Variants in IGF2R observed in about 807,000 individuals in gnomAD.
IGF2R encodes the protein insulin like growth factor 2 receptor.
In IGF2R, 91 loss-of-function variants were observed where a neutral mutation model predicts 270.6. The observed-to-expected ratio is 0.34, with a 90% confidence interval of 0.28 to 0.40. The LOEUF (loss-of-function observed/expected upper bound fraction) is 0.40, where lower values mean the gene tolerates loss of function less well. Ranked by LOEUF, IGF2R falls within the 10% of genes least tolerant of loss-of-function variation. IGF2R has a pLI of 1.00. For synonymous variants in IGF2R, 1,316 were observed against 1,258.9 expected (o/e 1.05, Z -0.96); for missense variants, 2,805 against 3,188.3 (o/e 0.88, Z 2.90).
At chr6:160,073,058 C>T (rs573096016) in intron 33 of IGF2R, among the ~76,000 whole-genome samples, 155 bp from the exon 34 acceptor site, 12 of 152,366 alleles carry the variant, frequency 7.9e-5, no homozygotes, top group South Asian at 4.1e-4. Flanking sequence ...ATGGAATGAA[C>T]ATTCAATGTA....
rs781421375 is a variant in IGF2R at position 160,073,960 on chromosome 6, T to A, written c.5151T>A (p.Ile1717=). The A allele has an allele frequency of 1.9e-6, 3 of 1,612,244 alleles. No homozygotes were observed. Among genetic ancestry groups the A allele is most frequent in the South Asian group, 2.2e-5 (2 of 90,738 alleles). Residue 1717 remains isoleucine, a synonymous_variant, in exon 35 of 48, where the codon ATT becomes ATA. Coordinates refer to ENST00000356956, the MANE Select transcript of IGF2R (RefSeq NM_000876.4). ...PAGAAVCKVP[I]DGPPIDIGRV... ...GAGCCGCTGTGTGCAAAGTTCCTATTGATGGTCCCCCCATAGTAAGTATGA... is the reference window on the plus strand; with the variant it reads ...GAGCCGCTGTGTGCAAAGTTCCTATAGATGGTCCCCCCATAGTAAGTATGA...
At chr6:160,020,080 C>G (rs2115217861) in intron 4 of IGF2R, among the ~76,000 whole-genome samples, 1 of 152,220 alleles carries the variant, frequency 6.6e-6, no homozygotes, top group East Asian at 1.9e-4. Flanking sequence ...CCAAAAGTCT[C>G]TTAGATTTGA....
At chr6:160,009,653 T>C (rs1333318826) in intron 3 of IGF2R, among the ~76,000 whole-genome samples, 1 of 152,246 alleles carries the variant, frequency 6.6e-6, no homozygotes, top group Admixed American at 6.5e-5. Flanking sequence ...ATTGTTCTTA[T>C]TATGGGCATA....
intron 35 of IGF2R, 98 bp downstream of exon 35, chr6:160,074,073 A>T (rs1287021319): frequency 1.2e-6 from 1 of 816,706 alleles, no homozygotes; most frequent in Non-Finnish European, 2.0e-6. Flanking sequence ...TTGCTCAAGC[A>T]TAAAAAAAAT....
chr6:160,027,157 C>G (rs1777578781), intron 5 of IGF2R, 28 bp from the exon 6 acceptor site: 4 of 1,613,736 alleles, frequency 2.5e-6, no homozygotes, highest in Non-Finnish European at 3.4e-6. Context: ...AACACCTAAT[C>G]TGATTTAATG....
rs1162497382 is a variant in IGF2R at position 160,048,490 on chromosome 6, C to T, written c.2461C>T (p.Pro821Ser). 7 of 1,614,080 alleles carry T rather than the reference C, an allele frequency of 4.3e-6. No individual in the cohort carries two copies. In the East Asian group the frequency reaches 1.6e-4, roughly 36 times the overall value. The change falls in exon 18 of 48, where the codon CCG (proline) becomes TCG (serine). Residue 821 changes from proline to serine, a missense_variant. Around this residue, in one of 2 missense-constraint regions of IGF2R, gnomAD observed 1,851 missense variants for 2,207.2 expected, o/e 0.84. Transcript: ENST00000356956. ...CGTGTGTCGGCCTCTGAATCCAGTG[C>T]CGGGCTGCAACCGATATGCATCGGC... ...INVCRPLNPVPGCNRYASACQ... is the reference protein window; with the variant it reads ...INVCRPLNPVSGCNRYASACQ...
intron 37 of IGF2R, among the ~76,000 whole-genome samples, chr6:160,079,250 C>T (rs1778922032): frequency 6.6e-6 from 1 of 152,210 alleles, no homozygotes; most frequent in African/African-American, 2.4e-5. Flanking sequence ...TCTTATTACA[C>T]AGGTGAGGGA....
rs747949813 is a variant in IGF2R at position 160,061,490 on chromosome 6, T to G, written c.3263-13T>G. 19 of 1,612,788 alleles carry G rather than the reference T, an allele frequency of 1.2e-5. 1 individual carries two copies. The highest frequency in any genetic ancestry group is 1.4e-5 in the Non-Finnish European group (16 of 1,179,462). On this transcript the variant is annotated splice_polypyrimidine_tract_variant and intron_variant, in intron 23 of 47. Coordinates refer to ENST00000356956, the MANE Select transcript of IGF2R (RefSeq NM_000876.4). ...GGCAGAGTTCTCCAGCGTGGTTTTT[T>G]GTTGTGTTTCAGACCTGGCTGGAAA...
rs1366793871 is a variant in IGF2R at position 160,043,195 on chromosome 6, GAGA to G, written c.1534_1536del (p.Lys512del). The G allele has an allele frequency of 6.8e-6, 11 of 1,614,066 alleles. No homozygotes were observed. The highest frequency in any genetic ancestry group is 1.3e-5 in the African/African-American group (1 of 74,932). On this transcript the variant is annotated inframe_deletion, in exon 12 of 48. Transcript: ENST00000356956. Reference sequence around the variant, plus strand: ...TGTGGATGGCAGTCAGACGGAAACAGAGAAGAAGCATTTTTTCATTAATATTTG... The same window carrying G: ...TGTGGATGGCAGTCAGACGGAAACAGAGAAGCATTTTTTCATTAATATTTG...
chr6:159,985,927 G>A (rs1783875145), intron 1 of IGF2R, among the ~76,000 whole-genome samples: 1 of 152,202 alleles, frequency 6.6e-6, no homozygotes, highest in Non-Finnish European at 1.5e-5. Flanking sequence ...TGGTTTTGAA[G>A]AACCAGCGTT....
chr6:160,008,709 C>T (rs887918011), intron 2 of IGF2R, among the ~76,000 whole-genome samples: 2 of 152,058 alleles, frequency 1.3e-5, no homozygotes, highest in Admixed American at 6.6e-5. Flanking sequence ...GTGGCCATTG[C>T]TGGAGCGCAG....
At position 160,084,620 on chromosome 6, in the gene IGF2R, A is replaced by G. The variant is rs1779058665; in HGVS notation, c.6069-375A>G. Among the ~76,000 whole-genome samples the G allele has an allele frequency of 6.6e-6, 1 of 152,096 alleles. No individual in the cohort carries two copies. The highest frequency in any genetic ancestry group is 2.1e-4 in the South Asian group (1 of 4,828). On this transcript the variant is annotated intron_variant, in intron 40 of 47. Coordinates refer to ENST00000356956, the MANE Select transcript of IGF2R (RefSeq NM_000876.4). The surrounding 1 kb of genome is among the most constrained non-coding windows in gnomAD (Gnocchi z 4.6). ...TGGCCAGGTGCTCCTGCAAGACATC[A>G]CCGAGGAGCAGGGGCATGGACTCAC...
chr6:160,012,331 C>T (rs1426466214), intron 4 of IGF2R, among the ~76,000 whole-genome samples: 2 of 152,012 alleles, frequency 1.3e-5, no homozygotes, highest in Admixed American at 1.3e-4. Flanking sequence ...TGTTCATTCT[C>T]GCAGTGCTAT....
At chr6:160,029,316 C>T (rs1056245549) in intron 6 of IGF2R, among the ~76,000 whole-genome samples, 1 of 151,990 alleles carries the variant, frequency 6.6e-6, no homozygotes, top group Non-Finnish European at 1.5e-5. Context: ...GTGCTGGTCA[C>T]TTTAGATATT....
chr6:159,993,030 T>C (rs990542462), intron 2 of IGF2R, among the ~76,000 whole-genome samples: 4 of 152,252 alleles, frequency 2.6e-5, no homozygotes, highest in Non-Finnish European at 5.9e-5. Flanking sequence ...TTTTTACATA[T>C]GCTTGTTGGC....
chr6:160,078,121 C>A (rs2115280155), intron 36 of IGF2R, 80 bp from the exon 37 acceptor site: 2 of 1,426,340 alleles, frequency 1.4e-6, no homozygotes, highest in East Asian at 2.3e-5. Context: ...TATGCACAGC[C>A]CCTGTAGGGA....
intron 1 of IGF2R, among the ~76,000 whole-genome samples, chr6:159,990,705 C>T (rs1265921576): frequency 6.6e-6 from 1 of 152,174 alleles, no homozygotes; most frequent in Admixed American, 6.5e-5. Context: ...TCTCGGCTCA[C>T]TGCAACCTCC....
chr6:159,984,672 G>A (rs180858366), intron 1 of IGF2R, among the ~76,000 whole-genome samples: 1 of 152,202 alleles, frequency 6.6e-6, no homozygotes, highest in African/African-American at 2.4e-5. Context: ...CCATCTATGT[G>A]TGTGCAGATA....
At chr6:160,000,812 T>A (rs1444645655) in intron 2 of IGF2R, among the ~76,000 whole-genome samples, 1 of 140,252 alleles carries the variant, frequency 7.1e-6, no homozygotes, top group Non-Finnish European at 1.5e-5. Context: ...CTTGGCTCAC[T>A]GCATCCTCCG....
Sources: gnomAD v4.1 joint callset for allele counts (sites outside exome capture counted in the v4.1 genomes callset) on GRCh38, gnomAD v4.1.1 for gene constraint, gnomAD v4.1.1 regional missense constraint, Gnocchi (gnomAD v3.1) non-coding constraint, MANE v1.5 for transcripts, NCBI Gene and HGNC (gene_info 2026-07-23, HGNC 2026-07-21) for gene names.